KCNT2: variants seen among roughly 807,000 people sequenced by gnomAD.
KCNT2 encodes potassium sodium-activated channel subfamily T member 2.
In KCNT2, 67 loss-of-function variants were observed where a neutral mutation model predicts 153.8. The observed-to-expected ratio is 0.44, with a 90% CI of 0.36 to 0.53. The LOEUF (loss-of-function observed/expected upper bound fraction) is 0.53. Among genes scored for constraint, KCNT2 ranks in the 20% least tolerant of loss-of-function variants. The pLI is 0.00. For synonymous variants in KCNT2, 500 were observed against 458.8 expected, an observed-to-expected ratio of 1.09 and a Z score of -1.15; for missense variants, 975 against 1,354.8, an observed-to-expected ratio of 0.72 and a Z score of 4.40.
intron 1 of KCNT2, among the ~76,000 whole-genome samples, chr1:196,552,563 A>G (rs1658055138): frequency 6.6e-6 from 1 of 151,356 alleles, no homozygotes; most frequent in South Asian, 2.1e-4. Context: ...AATAAGCAAG[A>G]AAAGATCATC....
chr1:196,364,843 A>T (rs1316553458), intron 14 of KCNT2, among the ~76,000 whole-genome samples: 1 of 152,144 alleles, frequency 6.6e-6, no homozygotes, highest in Non-Finnish European at 1.5e-5. Flanking sequence ...TGTGAAAATA[A>T]CATACTTTCC....
At chr1:196,529,258 T>G (rs910156212) in intron 1 of KCNT2, among the ~76,000 whole-genome samples, 2 of 152,160 alleles carry the variant, frequency 1.3e-5, no homozygotes, top group African/African-American at 4.8e-5. Flanking sequence ...TCATTGAAAC[T>G]ACAGATTATG....
chr1:196,514,823 C>T (rs1681921322), intron 1 of KCNT2, among the ~76,000 whole-genome samples: 1 of 152,062 alleles, frequency 6.6e-6, no homozygotes, highest in Non-Finnish European at 1.5e-5. Flanking sequence ...ATTAATTCTG[C>T]TAAATGTGTC....
intron 2 of KCNT2, among the ~76,000 whole-genome samples, chr1:196,490,633 C>T (rs1468685490): frequency 6.6e-6 from 1 of 151,308 alleles, no homozygotes; most frequent in African/African-American, 2.4e-5. Context: ...ATTTAAAATA[C>T]CCATGGAATC....
intron 1 of KCNT2, among the ~76,000 whole-genome samples, chr1:196,547,988 A>G (rs926217873): frequency 6.6e-6 from 1 of 151,902 alleles, no homozygotes; most frequent in Non-Finnish European, 1.5e-5. Context: ...TTAGCATTTC[A>G]AAGTGTCTAA....
chr1:196,285,748 T>A lies in KCNT2; in HGVS notation c.2606A>T (p.Glu869Val). ...CATAAAGGCCAAGTTAGAGCCTCTC[T>A]CCCGTTCTTTCTGTTCAGAAATTTG... The part of the protein sequence containing the change: ...ALSKLEKKER[E>V]RGSNLAFMFR... Residue 869 changes from glutamate (E) to valine (V), a missense_variant, in exon 23 of 28, where the codon GAG (glutamate) becomes GTG (valine). Physicochemically the swap from Glu to Val is moderately radical, Grantham distance 121. Around this residue, in one of 6 missense-constraint regions of KCNT2, gnomAD observed 66 missense variants for 147.9 expected, o/e 0.45. Coordinates refer to ENST00000294725, the MANE Select transcript of KCNT2 (RefSeq NM_198503.5). The A allele has an allele frequency of 6.2e-7, 1 of 1,606,788 alleles. No individual in the cohort carries two copies. Among genetic ancestry groups the A allele is most frequent in the South Asian group, 1.1e-5 (1 of 90,662 alleles).
At chr1:196,289,383 T>A (rs1659978338) in intron 22 of KCNT2, among the ~76,000 whole-genome samples, 1 of 152,116 alleles carries the variant, frequency 6.6e-6, no homozygotes, top group Non-Finnish European at 1.5e-5. Context: ...CTCAGCTAGA[T>A]CCTATGTTCC....
At chr1:196,576,368 T>G (rs1286489998) in intron 1 of KCNT2, among the ~76,000 whole-genome samples, 2 of 152,118 alleles carry the variant, frequency 1.3e-5, no homozygotes, top group Non-Finnish European at 2.9e-5. Flanking sequence ...CACTAGAATT[T>G]GAATAGATGT....
chr1:196,257,603 T>C (rs1265242539), intron 26 of KCNT2: 1 of 927,184 alleles, frequency 1.1e-6, no homozygotes, highest in African/African-American at 1.8e-5. Flanking sequence ...AAGCTTTGCA[T>C]TATTTATTTA....
Position 196,276,865 on chromosome 1 carries a change from C to T in KCNT2, c.2910+3995G>A, listed in dbSNP as rs555536679. On this transcript the variant is annotated intron_variant, in intron 25 of 27. Transcript: ENST00000294725. ...CAATAGTACCTTGTATGTGACCTAT[C>T]GCACGTCTCCTGCTCATCTCTCTGA... is the stretch of plus-strand genomic sequence containing the variant. 5.9e-5 allele frequency among the ~76,000 whole-genome samples: 9 copies of T among 152,134 alleles called. No homozygotes were observed. In the East Asian group the frequency reaches 1.5e-3, roughly 26 times the overall value.
At chr1:196,410,786 AG>A (rs1359276916) in intron 12 of KCNT2, among the ~76,000 whole-genome samples, 1 of 151,576 alleles carries the variant, frequency 6.6e-6, no homozygotes, top group Non-Finnish European at 1.5e-5. Context: ...ATCAATGCCA[AG>A]ACCAAAGTCA....
intron 14 of KCNT2, among the ~76,000 whole-genome samples, chr1:196,344,351 T>G (rs1665956970): frequency 6.6e-6 from 1 of 152,146 alleles, no homozygotes; most frequent in South Asian, 2.1e-4. Flanking sequence ...TGCCCATTCT[T>G]CCATAATGTT....
In KCNT2 at chr1:196,470,322, A is replaced by C. The variant is rs117576362; in HGVS notation, c.385-1254T>G. On this transcript the variant is annotated intron_variant, in intron 5 of 27. Transcript: ENST00000294725. Reference sequence around the variant, plus strand: ...TTAAACTGAAGAGATCAAAGAAAAAAAGGATGACTGGATAATAACAGGACA... The same window carrying C: ...TTAAACTGAAGAGATCAAAGAAAAACAGGATGACTGGATAATAACAGGACA... Among the ~76,000 whole-genome samples, 109 of 152,356 alleles carry C rather than the reference A, an allele frequency of 7.2e-4. 2 individuals are homozygous for C. In the East Asian group the frequency reaches 0.018, roughly 25 times the overall value.
intron 1 of KCNT2, among the ~76,000 whole-genome samples, chr1:196,604,210 C>A (rs1277877891): frequency 2.0e-5 from 3 of 152,172 alleles, no homozygotes; most frequent in Non-Finnish European, 2.9e-5. Flanking sequence ...AATGGAAATT[C>A]TATAAGGACA....
chr1:196,325,304 T>G (rs1663733151), intron 19 of KCNT2, among the ~76,000 whole-genome samples: 1 of 152,158 alleles, frequency 6.6e-6, no homozygotes. Context: ...ACCTGGTACC[T>G]GAATTGATCC....
chr1:196,239,536 A>T (rs1474519386), intron 26 of KCNT2, among the ~76,000 whole-genome samples: 3 of 152,012 alleles, frequency 2.0e-5, no homozygotes, highest in African/African-American at 7.2e-5. Context: ...GGACAGAATC[A>T]TATTCCTATG....
chr1:196,241,895 T>C (rs1446776921), intron 26 of KCNT2, among the ~76,000 whole-genome samples: 1 of 152,116 alleles, frequency 6.6e-6, no homozygotes, highest in African/African-American at 2.4e-5. Flanking sequence ...CTATGTTACG[T>C]TTCATAAATG....
At chr1:196,320,937 T>G (rs2148044217) in intron 19 of KCNT2, among the ~76,000 whole-genome samples, 1 of 151,792 alleles carries the variant, frequency 6.6e-6, no homozygotes, top group South Asian at 2.1e-4. Context: ...TGCTATCGTA[T>G]TTAACACTGG....
chr1:196,301,608 G>T (rs557560750), intron 22 of KCNT2, among the ~76,000 whole-genome samples: 1 of 152,076 alleles, frequency 6.6e-6, no homozygotes, highest in Non-Finnish European at 1.5e-5. Flanking sequence ...TAAAGTAATT[G>T]GGAATAATAC....
Sources: allele counts gnomAD v4.1 joint callset (sites outside exome capture counted in the v4.1 genomes callset), GRCh38; gene constraint gnomAD v4.1.1; regional missense constraint gnomAD v4.1.1; transcripts MANE v1.5; gene names NCBI Gene and HGNC (gene_info 2026-07-23, HGNC 2026-07-21).